The following PREP variants were observed in gnomAD, a reference collection of about 807,000 sequenced individuals.
PREP encodes the protein dJ355L5.1 (prolyl endopeptidase).
Under a neutral mutation model 87.6 loss-of-function variants are expected in PREP, and 29 were observed. The ratio of observed to expected loss-of-function variants is 0.33; its 90% CI spans 0.25 to 0.45. The LOEUF (loss-of-function observed/expected upper bound fraction) is 0.45. Among genes scored for constraint, PREP ranks in the 20% least tolerant of loss-of-function variants. The pLI is 1.00. For synonymous variants in PREP, 337 were observed against 328.6 expected (o/e 1.03, Z -0.28); for missense variants, 695 against 886.5 (o/e 0.78, Z 2.74).
intron 7 of PREP, among the ~76,000 whole-genome samples, chr6:105,344,938 T>C (rs1023259157): frequency 2.6e-5 from 4 of 152,212 alleles, no homozygotes; most frequent in African/African-American, 9.7e-5. Flanking sequence ...TAGCCATAAA[T>C]ACATACTACA....
intron 2 of PREP, among the ~76,000 whole-genome samples, chr6:105,395,737 A>G (rs918439173): frequency 6.6e-6 from 1 of 152,252 alleles, no homozygotes. Context: ...ACTAACAGAT[A>G]AAACCTGGGT....
At chr6:105,352,715 G>A (rs947377222) in intron 7 of PREP, among the ~76,000 whole-genome samples, 2 of 152,142 alleles carry the variant, frequency 1.3e-5, no homozygotes, top group African/African-American at 4.8e-5. Context: ...CTCTTCATGT[G>A]CAATACTCAC....
intron 5 of PREP, among the ~76,000 whole-genome samples, chr6:105,371,631 C>A (rs1464914445): frequency 6.6e-6 from 1 of 151,072 alleles, no homozygotes; most frequent in Non-Finnish European, 1.5e-5. Context: ...TGATGACGTA[C>A]CAAGCTTTCA....
In PREP at chr6:105,379,237, T is replaced by A. The variant is rs527542345; in HGVS notation, c.121-1718A>T. On this transcript the variant is annotated intron_variant, in intron 2 of 14. Coordinates refer to ENST00000652536, the MANE Select transcript of PREP (RefSeq NM_002726.5). ...TTTCCTGTGGCTCTGGAGATCAGAATGGTTTTTGTATTTTCAAAGAGCTAG... is the reference window on the plus strand; with the variant it reads ...TTTCCTGTGGCTCTGGAGATCAGAAAGGTTTTTGTATTTTCAAAGAGCTAG... 2.6e-5 allele frequency among the ~76,000 whole-genome samples: 4 copies of A among 152,344 alleles called. No homozygotes were observed. In the South Asian group the frequency reaches 8.3e-4, roughly 32 times the overall value.
At chr6:105,379,594 G>C (rs1203886385) in intron 2 of PREP, among the ~76,000 whole-genome samples, 2 of 152,192 alleles carry the variant, frequency 1.3e-5, no homozygotes, top group Admixed American at 1.3e-4. Context: ...CTCAGAGACT[G>C]AAAAAGGATG....
chr6:105,343,354 T>C (rs936860917), intron 7 of PREP, among the ~76,000 whole-genome samples: 1 of 152,212 alleles, frequency 6.6e-6, no homozygotes, highest in Non-Finnish European at 1.5e-5. Flanking sequence ...ATCCCTTCCT[T>C]ATACCTTATA....
intron 2 of PREP, among the ~76,000 whole-genome samples, chr6:105,388,453 C>T (rs1738067300): frequency 7.0e-6 from 1 of 142,388 alleles, no homozygotes; most frequent in Non-Finnish European, 1.5e-5. Flanking sequence ...GCATCAAAAA[C>T]CGTATTACAG....
In PREP at chr6:105,378,253, G is replaced by A. The variant is rs533202111; in HGVS notation, c.121-734C>T. 6.6e-5 allele frequency among the ~76,000 whole-genome samples: 10 copies of A among 152,318 alleles called. No individual in the cohort carries two copies. In the South Asian group the frequency reaches 2.1e-3, roughly 32 times the overall value. ...GCGGGTGGATCACTTGAGGCCAGAA[G>A]ATCGAGACCACCCTGGCCAGCATGG... On this transcript the variant is annotated intron_variant, in intron 2 of 14. Coordinates refer to ENST00000652536, the MANE Select transcript of PREP (RefSeq NM_002726.5).
chr6:105,377,374 A>G lies in PREP; in HGVS notation c.254+12T>C, dbSNP rs757452247. The G allele has an allele frequency of 1.3e-6, 2 of 1,587,934 alleles. No individual in the cohort carries two copies. Among genetic ancestry groups the G allele is most frequent in the Non-Finnish European group, 8.5e-7 (1 of 1,171,170 alleles). On this transcript the variant is annotated intron_variant, in intron 3 of 14. Transcript: ENST00000652536. ...TGAAAATAAAAAGGAAATTCAGTAAAAGCAGTCTCACCGTTTTCCTTTCTT... is the reference window on the plus strand; with the variant it reads ...TGAAAATAAAAAGGAAATTCAGTAAGAGCAGTCTCACCGTTTTCCTTTCTT...
At chr6:105,328,685 C>T (rs974894796) in intron 9 of PREP, 144 bp downstream of exon 9, 2 of 820,070 alleles carry the variant, frequency 2.4e-6, no homozygotes, top group African/African-American at 1.7e-5. Context: ...ATCTGTTCTA[C>T]CGTTTTATTC....
At chr6:105,343,759 C>A (rs144501190) in intron 7 of PREP, among the ~76,000 whole-genome samples, 8,454 of 152,214 alleles carry the variant, frequency 0.056, 236 homozygotes, top group Middle Eastern at 0.085. Flanking sequence ...AGCCAAAAGA[C>A]GCATGAAAAA....
At chr6:105,377,312 G>A (rs1772709642) in intron 3 of PREP, 74 bp downstream of exon 3, 2 of 1,458,426 alleles carry the variant, frequency 1.4e-6, no homozygotes. Flanking sequence ...CAAGTTATCT[G>A]GAATTTGTAT....
intron 11 of PREP, among the ~76,000 whole-genome samples, chr6:105,287,811 G>T (rs1770218183): frequency 6.6e-6 from 1 of 152,154 alleles, no homozygotes; most frequent in African/African-American, 2.4e-5. Context: ...TTTATTAAAA[G>T]TGCTCAAAGC....
chr6:105,286,983 C>T (rs116010740), intron 11 of PREP, among the ~76,000 whole-genome samples: 929 of 68,198 alleles, frequency 0.014, 6 homozygotes, highest in African/African-American at 0.049. Flanking sequence ...TGATGAAACA[C>T]GTGTTCACTG....
chr6:105,335,113 A>C (rs1232796640), intron 7 of PREP, among the ~76,000 whole-genome samples: 1 of 152,208 alleles, frequency 6.6e-6, no homozygotes, highest in Admixed American at 6.5e-5. Flanking sequence ...TCAACATTTA[A>C]ATAGCTCACT....
chr6:105,323,139 A>G, intron 10 of PREP: 2 of 1,299,570 alleles, frequency 1.5e-6, no homozygotes, highest in Non-Finnish European at 2.0e-6. Context: ...GAGATTCTTA[A>G]CCTGAAAAGA....
intron 2 of PREP, among the ~76,000 whole-genome samples, chr6:105,392,485 G>C (rs989660444): frequency 6.6e-6 from 1 of 152,134 alleles, no homozygotes; most frequent in African/African-American, 2.4e-5. Flanking sequence ...GGAATCTGAA[G>C]GATTTCTAAC....
rs1170064261 is a variant in PREP at position 105,302,586 on chromosome 6, G to T, written c.1318-13692C>A. 6 of 428,276 alleles carry T rather than the reference G, an allele frequency of 1.4e-5. No homozygotes were observed. In the East Asian group the frequency reaches 3.5e-4, roughly 25 times the overall value. 26.5% of individuals were successfully genotyped at this position (428,276 alleles called of 1,614,324 possible). ...GTTTTCTCAGGCCGCAGGTCCAGGGGCTTGTACCTCTTGCCCTTGTAGAAT... is the reference window on the plus strand; with the variant it reads ...GTTTTCTCAGGCCGCAGGTCCAGGGTCTTGTACCTCTTGCCCTTGTAGAAT... On this transcript the variant is annotated intron_variant, in intron 10 of 14. Coordinates refer to ENST00000652536, the MANE Select transcript of PREP (RefSeq NM_002726.5).
In PREP at chr6:105,328,126, A is replaced by G. The variant is rs77872907; in HGVS notation, c.1213+703T>C. Reference sequence around the variant, plus strand: ...TTACATTTTATTTCAGTTTAACAACAGCAGAATTGATTCTCAGCTTATTCC... The same window carrying G: ...TTACATTTTATTTCAGTTTAACAACGGCAGAATTGATTCTCAGCTTATTCC... On this transcript the variant is annotated intron_variant, in intron 9 of 14. Coordinates refer to ENST00000652536, the MANE Select transcript of PREP (RefSeq NM_002726.5). Among the ~76,000 whole-genome samples the G allele has an allele frequency of 0.011, 1,706 of 152,320 alleles. 111 individuals are homozygous for G. The East Asian group carries it at 0.17, about 15-fold the overall frequency.
Sources: gnomAD v4.1 joint callset for allele counts (sites outside exome capture counted in the v4.1 genomes callset) on GRCh38, gnomAD v4.1.1 for gene constraint, MANE v1.5 for transcripts, NCBI Gene and HGNC (gene_info 2026-07-23, HGNC 2026-07-21) for gene names.